RBFOX1: variants seen among roughly 807,000 people sequenced by gnomAD.
RBFOX1 encodes the protein RNA binding protein fox-1 homolog 1.
RBFOX1 carries 8 observed loss-of-function variants against 57.7 expected under a neutral mutation model. The ratio of observed to expected loss-of-function variants is 0.14; its 90% CI spans 0.08 to 0.25. The LOEUF is 0.25. Ranked by LOEUF, RBFOX1 falls within the 10% of genes least tolerant of loss-of-function variation. The pLI, the probability that RBFOX1 is intolerant of heterozygous loss-of-function variation, is 1.00. For synonymous variants in RBFOX1, 326 were observed against 222.4 expected, an observed-to-expected ratio of 1.47 and a Z score of -4.15; for missense variants, 611 against 548.5, an observed-to-expected ratio of 1.11 and a Z score of -1.14.
At chr16:7,696,876 C>T (rs900002748) in intron 14 of RBFOX1, among the ~76,000 whole-genome samples, 3 of 152,094 alleles carry the variant, frequency 2.0e-5, no homozygotes, top group Admixed American at 1.3e-4. Context: ...ATGAAACATA[C>T]AGCAGGTGCA....
At chr16:6,739,789 A>G (rs1235858221) in intron 3 of RBFOX1, among the ~76,000 whole-genome samples, 2 of 152,168 alleles carry the variant, frequency 1.3e-5, no homozygotes, top group African/African-American at 4.8e-5. Flanking sequence ...AGGCAGGAGA[A>G]TTGCTTGAAC....
chr16:5,921,480 C>G (rs2152229207), intron 4 of RBFOX1, among the ~76,000 whole-genome samples: 1 of 152,238 alleles, frequency 6.6e-6, no homozygotes, highest in East Asian at 1.9e-4. Context: ...TCTGACTTGA[C>G]TGAGAAGGAC....
chr16:5,631,542 C>A (rs953792029), intron 3 of RBFOX1, among the ~76,000 whole-genome samples: 1 of 150,588 alleles, frequency 6.6e-6, no homozygotes, highest in Non-Finnish European at 1.5e-5. Flanking sequence ...GGTGACAGAC[C>A]GAGACTCCAT....
chr16:6,172,190 G>C (rs1050596017), intron 1 of RBFOX1, among the ~76,000 whole-genome samples: 3 of 152,124 alleles, frequency 2.0e-5, no homozygotes, highest in South Asian at 2.1e-4. Context: ...CTGAGAATGA[G>C]GCCTTGCAGC....
intron 4 of RBFOX1, among the ~76,000 whole-genome samples, chr16:7,106,886 A>G (rs959121671): frequency 6.6e-6 from 1 of 152,136 alleles, no homozygotes; most frequent in Non-Finnish European, 1.5e-5. Context: ...TTTATCATGC[A>G]CCAGACACTA....
At chr16:5,244,319 C>T (rs1160176282) in intron 1 of RBFOX1, among the ~76,000 whole-genome samples, 3 of 152,246 alleles carry the variant, frequency 2.0e-5, no homozygotes, top group Non-Finnish European at 2.9e-5. Context: ...GAATATCACC[C>T]ACCTAGACTG....
chr16:5,644,482 G>C (rs1596564014), intron 3 of RBFOX1, among the ~76,000 whole-genome samples: 4 of 152,140 alleles, frequency 2.6e-5, no homozygotes, highest in Non-Finnish European at 2.9e-5. Context: ...ACACCATGGA[G>C]GTAAAGTTCC....
intron 1 of RBFOX1, among the ~76,000 whole-genome samples, chr16:5,307,549 G>A (rs1323074728): frequency 6.6e-6 from 1 of 152,088 alleles, no homozygotes; most frequent in African/African-American, 2.4e-5. Flanking sequence ...CATAGTGTGA[G>A]GTGCTTTATT....
chr16:5,636,408 C>G (rs1380915519), intron 3 of RBFOX1, among the ~76,000 whole-genome samples: 1 of 152,236 alleles, frequency 6.6e-6, no homozygotes, highest in Admixed American at 6.5e-5. Flanking sequence ...GTTGTGGACA[C>G]TTTACTGGTT....
At chr16:5,525,356 A>G (rs2044199396) in intron 2 of RBFOX1, among the ~76,000 whole-genome samples, 2 of 151,790 alleles carry the variant, frequency 1.3e-5, no homozygotes, top group Non-Finnish European at 2.9e-5. Context: ...CAGCTCTGTG[A>G]GCTGGGTTGT....
chr16:6,920,834 C>T (rs1274326902), intron 3 of RBFOX1, among the ~76,000 whole-genome samples: 1 of 152,180 alleles, frequency 6.6e-6, no homozygotes, highest in Non-Finnish European at 1.5e-5. Context: ...ATCTTGAGAT[C>T]CTTAACTTAG....
chr16:6,940,203 TAAATA>T (rs1488480445), intron 3 of RBFOX1, among the ~76,000 whole-genome samples: 1 of 150,826 alleles, frequency 6.6e-6, no homozygotes, highest in Non-Finnish European at 1.5e-5. Flanking sequence ...AAAATAAAAA[TAAATA>T]AATAAATAAA....
chr16:6,155,438 C>T (rs1567576294), intron 1 of RBFOX1, among the ~76,000 whole-genome samples: 1 of 152,124 alleles, frequency 6.6e-6, no homozygotes, highest in Non-Finnish European at 1.5e-5. Flanking sequence ...AGATGTACAG[C>T]GTGTGTTTTA....
chr16:5,669,151 C>CCACA (rs2049940351), intron 3 of RBFOX1, among the ~76,000 whole-genome samples: 1 of 152,144 alleles, frequency 6.6e-6, no homozygotes, highest in Non-Finnish European at 1.5e-5. Flanking sequence ...AGAGGGTTGG[C>CCACA]CTTTACCCCT....
intron 3 of RBFOX1, among the ~76,000 whole-genome samples, chr16:5,691,890 G>T (rs1234706083): frequency 6.6e-6 from 1 of 152,202 alleles, no homozygotes; most frequent in East Asian, 1.9e-4. Context: ...ATTCAAGCCA[G>T]AGCTTCTTGT....
At chr16:7,635,622 C>G (rs1022283056) in intron 11 of RBFOX1, among the ~76,000 whole-genome samples, 4 of 151,756 alleles carry the variant, frequency 2.6e-5, no homozygotes, top group African/African-American at 9.7e-5. Context: ...AGAGTATACA[C>G]AGATGTTACA....
intron 1 of RBFOX1, among the ~76,000 whole-genome samples, chr16:6,084,320 G>C (rs148728830): frequency 6.6e-6 from 1 of 151,922 alleles, no homozygotes; most frequent in South Asian, 2.1e-4. Flanking sequence ...CGTGACTCAC[G>C]GCAGCCTCGA....
intron 1 of RBFOX1, among the ~76,000 whole-genome samples, chr16:6,043,144 A>G (rs1392766153): frequency 2.0e-5 from 2 of 101,730 alleles, no homozygotes; most frequent in African/African-American, 4.0e-5. Flanking sequence ...AAAAAAAAAA[A>G]AAAAAAAAAA....
At chr16:5,717,140 C>G (rs1567441141) in intron 3 of RBFOX1, among the ~76,000 whole-genome samples, 1 of 152,234 alleles carries the variant, frequency 6.6e-6, no homozygotes, top group East Asian at 1.9e-4. Flanking sequence ...GCTTAATTTT[C>G]AAGGACTTTC....
Sources: allele counts gnomAD v4.1 joint callset (sites outside exome capture counted in the v4.1 genomes callset), GRCh38; gene constraint gnomAD v4.1.1; transcripts MANE v1.5; gene names NCBI Gene and HGNC (gene_info 2026-07-23, HGNC 2026-07-21).